VPS41: variants seen among roughly 807,000 people sequenced by gnomAD.
The protein encoded by VPS41 is VPS41 subunit of HOPS complex.
Under a neutral mutation model 130.9 loss-of-function variants are expected in VPS41, and 85 were observed. That is an observed-to-expected ratio of 0.65 (90% CI 0.55 to 0.78). VPS41 has a LOEUF of 0.78. VPS41 is among the 30% of genes least tolerant of loss of function. The pLI is 0.00. For synonymous variants in VPS41, 335 were observed against 332.9 expected (o/e 1.01, Z -0.07); for missense variants, 874 against 1,018.7 (o/e 0.86, Z 1.93).
chr7:38,767,831 GTAAA>G (rs1321025821), intron 14 of VPS41, among the ~76,000 whole-genome samples: 2 of 151,944 alleles, frequency 1.3e-5, no homozygotes, highest in African/African-American at 4.8e-5. Flanking sequence ...ATTAAAAAAA[GTAAA>G]TAATGTTAGT....
chr7:38,804,180 T>A (rs1784791200), intron 7 of VPS41, among the ~76,000 whole-genome samples: 1 of 152,272 alleles, frequency 6.6e-6, no homozygotes, highest in South Asian at 2.1e-4. Context: ...ACAGACTTTT[T>A]TTTTTAACTT....
In VPS41 at chr7:38,884,713, G is replaced by A. The variant is rs146760750; in HGVS notation, c.60+13378C>T. On this transcript the variant is annotated intron_variant, in intron 2 of 28. Transcript: ENST00000310301. ...TGGCCTGGGCTCTGAGTAATACAAT[G>A]CGCACACAATCTTTGCTTCAACGGA... Among the ~76,000 whole-genome samples, 1,488 of 152,210 alleles carry A rather than the reference G, an allele frequency of 9.8e-3. 22 individuals are homozygous for A. Among genetic ancestry groups the A allele is most frequent in the African/African-American group, 0.033 (1,391 of 41,542 alleles).
At chr7:38,890,206 T>C (rs767187166) in intron 2 of VPS41, among the ~76,000 whole-genome samples, 1 of 152,184 alleles carries the variant, frequency 6.6e-6, no homozygotes, top group East Asian at 1.9e-4. Flanking sequence ...AGCCTTAACA[T>C]ATCATTACTT....
rs1314880704 is a variant in VPS41, at chr7:38,821,361, T to A, written c.322-96A>T. On this transcript the variant is annotated intron_variant, in intron 5 of 28. Transcript: ENST00000310301. ...CATACTATCAATAAGAAAAGTAGAA[T>A]ATTTAATAATTTTAAGGCCCCGTGA... 2.1e-5 allele frequency: 18 copies of A among 856,968 alleles called. No homozygotes were observed. In the East Asian group the frequency reaches 4.4e-4, roughly 21 times the overall value. 53.1% of individuals were successfully genotyped at this position (856,968 alleles called of 1,614,324 possible). A position where few individuals can be genotyped will look rare whatever the true frequency, so the allele number is the denominator to read the frequency against.
intron 2 of VPS41, among the ~76,000 whole-genome samples, chr7:38,881,296 G>A (rs1261581505): frequency 2.6e-5 from 4 of 152,136 alleles, no homozygotes; most frequent in Admixed American, 2.6e-4. Flanking sequence ...TTCAAAGCTA[G>A]CAAAGGCAGG....
chr7:38,830,250 A>G lies in VPS41; in HGVS notation c.321+4T>C. 2 of 1,607,054 alleles carry G rather than the reference A, an allele frequency of 1.2e-6. No individual in the cohort carries two copies. Among genetic ancestry groups the G allele is most frequent in the East Asian group, 2.2e-5 (1 of 44,838 alleles). Reference sequence around the variant, plus strand: ...CTCTCTGCATGACCACATCTTTGCCATACCTTGCCATCCTCTGAACACACA... The same window carrying G: ...CTCTCTGCATGACCACATCTTTGCCGTACCTTGCCATCCTCTGAACACACA... On this transcript the variant is annotated splice_donor_region_variant and intron_variant, in intron 5 of 28. Coordinates refer to ENST00000310301, the MANE Select transcript of VPS41 (RefSeq NM_014396.4).
At position 38,743,534 on chromosome 7, in the gene VPS41, C is replaced by T. The variant is rs1286754353; in HGVS notation, c.1990G>A (p.Gly664Ser). 1.2e-6 allele frequency: 2 copies of T among 1,613,636 alleles called. No homozygotes were observed. Among genetic ancestry groups the T allele is most frequent in the Non-Finnish European group, 1.7e-6 (2 of 1,179,728 alleles). The change falls in exon 24 of 29, where the codon GGT (glycine) becomes AGT (serine). Residue 664 changes from glycine to serine, a missense_variant. Transcript: ENST00000310301. ...EETVYLLSRMGNSRSALKMIM... is the reference protein window; with the variant it reads ...EETVYLLSRMSNSRSALKMIM... Reference sequence around the variant, plus strand: ...ATCTTCAGGGCACTTCGGCTATTACCCATTCGGCCTTGGTGGGGTGAAGAT... The same window carrying T: ...ATCTTCAGGGCACTTCGGCTATTACTCATTCGGCCTTGGTGGGGTGAAGAT...
chr7:38,843,139 T>A (rs987274685), intron 4 of VPS41, among the ~76,000 whole-genome samples: 2 of 151,876 alleles, frequency 1.3e-5, no homozygotes, highest in East Asian at 1.9e-4. Context: ...TAAGAAAAAA[T>A]TTAAAGGATG....
intron 28 of VPS41, 148 bp downstream of exon 28, chr7:38,726,761 A>C: frequency 1.7e-6 from 1 of 600,318 alleles, no homozygotes; most frequent in Non-Finnish European, 2.6e-6. Context: ...TTTGAAAACT[A>C]GATTAATTTT....
chr7:38,752,612 T>A (rs1313883289), intron 21 of VPS41, among the ~76,000 whole-genome samples: 1 of 152,216 alleles, frequency 6.6e-6, no homozygotes, highest in African/African-American at 2.4e-5. Flanking sequence ...ATTGAGTTAC[T>A]GTGACAATTA....
intron 10 of VPS41, among the ~76,000 whole-genome samples, chr7:38,788,453 C>G (rs1439356171): frequency 2.0e-5 from 3 of 152,182 alleles, no homozygotes; most frequent in African/African-American, 7.2e-5. Context: ...GTAAGCAGCA[C>G]AATGCCCTCC....
At position 38,869,328 on chromosome 7, in the gene VPS41, C is replaced by G. The variant is rs12056240; in HGVS notation, c.61-75G>C. ...TGAAAACCTCAAAACACACTTCTTA[C>G]GAGAGAACCAGAGATGGTTCCTTCA... On this transcript the variant is annotated intron_variant, in intron 2 of 28. Transcript: ENST00000310301. The G allele has an allele frequency of 3.1e-6, 3 of 979,392 alleles. No individual in the cohort carries two copies. In the Admixed American group the frequency reaches 6.6e-5, roughly 22 times the overall value. 60.7% of individuals were successfully genotyped at this position (979,392 alleles called of 1,614,324 possible).
intron 1 of VPS41, among the ~76,000 whole-genome samples, chr7:38,903,078 A>G (rs1239806612): frequency 1.3e-5 from 2 of 152,236 alleles, no homozygotes; most frequent in African/African-American, 4.8e-5. Context: ...AATACCAAGC[A>G]TATTTTCTCC....
intron 7 of VPS41, among the ~76,000 whole-genome samples, chr7:38,814,855 G>A (rs553108442): frequency 1.3e-5 from 2 of 152,228 alleles, no homozygotes; most frequent in South Asian, 4.1e-4. Flanking sequence ...ATCAAAACAT[G>A]CTAGGGAAAT....
At chr7:38,740,933 C>A (rs906534334) in intron 25 of VPS41, among the ~76,000 whole-genome samples, 8 of 152,172 alleles carry the variant, frequency 5.3e-5, no homozygotes, top group Admixed American at 3.9e-4. Flanking sequence ...TACACCATGA[C>A]TCCGCTTCAG....
chr7:38,741,154 C>T (rs1335303649), intron 25 of VPS41: 1 of 201,550 alleles, frequency 5.0e-6, no homozygotes, highest in Admixed American at 6.4e-5. Flanking sequence ...ATGGATCTCA[C>T]ATCATAATGC....
chr7:38,791,893 T>C (rs1784543427), intron 9 of VPS41, among the ~76,000 whole-genome samples: 3 of 152,160 alleles, frequency 2.0e-5, no homozygotes, highest in Non-Finnish European at 2.9e-5. Flanking sequence ...GAAGATGAAG[T>C]GCAGAGATTT....
chr7:38,833,162 G>A (rs902616476), intron 4 of VPS41, among the ~76,000 whole-genome samples: 7 of 151,862 alleles, frequency 4.6e-5, no homozygotes, highest in African/African-American at 7.3e-5. Context: ...ATTCAGACTC[G>A]GACCACATTT....
intron 14 of VPS41, among the ~76,000 whole-genome samples, chr7:38,770,852 C>T (rs1422296204): frequency 1.3e-5 from 2 of 152,174 alleles, no homozygotes; most frequent in African/African-American, 4.8e-5. Flanking sequence ...CAAAGCAATG[C>T]AGTTTTAGGA....
Sources: gnomAD v4.1 joint callset for allele counts (sites outside exome capture counted in the v4.1 genomes callset) on GRCh38, gnomAD v4.1.1 for gene constraint, MANE v1.5 for transcripts, NCBI Gene and HGNC (gene_info 2026-07-23, HGNC 2026-07-21) for gene names.